The following RSPH14 variants were observed in gnomAD, a reference collection of about 807,000 sequenced individuals.
The protein encoded by RSPH14 is rhabdoid tumor deletion region gene 1.
RSPH14 carries 20 observed loss-of-function variants against 26.7 expected under a neutral mutation model. The observed-to-expected ratio is 0.75, with a 90% CI of 0.53 to 1.09. The LOEUF is 1.09. Among genes scored for constraint, RSPH14 ranks in the 50% least tolerant of loss-of-function variants. The probability of loss-of-function intolerance (pLI) is 0.00; values close to 1 mark genes in which losing one functional copy is unlikely to be tolerated. For synonymous variants in RSPH14, 177 were observed against 189.3 expected (o/e 0.93, Z 0.53); for missense variants, 449 against 457.2 (o/e 0.98, Z 0.16).
chr22:23,133,612 C>T (rs1157474125), intron 4 of RSPH14, among the ~76,000 whole-genome samples: 1 of 151,916 alleles, frequency 6.6e-6, no homozygotes, highest in Non-Finnish European at 1.5e-5. Context: ...TGTCTTAAGA[C>T]AGAGTCTCGC....
chr22:23,141,893 G>A, intron 1 of RSPH14, 56 bp downstream of exon 1: 4 of 769,188 alleles, frequency 5.2e-6, no homozygotes, highest in Non-Finnish European at 6.3e-6. Flanking sequence ...AATGGGACTG[G>A]GTGGGTCACT....
At chr22:23,088,581 C>T (rs2068879586) in intron 4 of RSPH14, among the ~76,000 whole-genome samples, 2 of 152,190 alleles carry the variant, frequency 1.3e-5, no homozygotes, top group South Asian at 4.1e-4. Context: ...ACAGGGGACT[C>T]CAGGACAGGG....
intron 4 of RSPH14, chr22:23,132,752 G>A (rs1204650764): frequency 6.6e-6 from 1 of 152,168 alleles, no homozygotes; most frequent in Non-Finnish European, 1.5e-5. Context: ...TTGCTATGTT[G>A]CTCAGGCTGG....
rs563974488 is a variant in RSPH14 at position 23,082,897 on chromosome 22, TC to T, written c.422-18765del. Among the ~76,000 whole-genome samples, 439 of 152,148 alleles carry T rather than the reference TC, an allele frequency of 2.9e-3. 1 individual carries two copies. Among genetic ancestry groups the T allele is most frequent in the South Asian group, 4.8e-3 (23 of 4,816 alleles). On this transcript the variant is annotated intron_variant, in intron 4 of 6. Coordinates refer to ENST00000216036, the MANE Select transcript of RSPH14 (RefSeq NM_014433.3). The stretch of plus-strand genomic sequence containing the variant: ...GGGGTGTGCAGAGTCCACAGTGTCT[TC>T]CCCCCAAACCTTGCCCCCAGAAACT...
intron 4 of RSPH14, among the ~76,000 whole-genome samples, chr22:23,078,984 A>T (rs1404125499): frequency 6.6e-6 from 1 of 152,138 alleles, no homozygotes; most frequent in East Asian, 1.9e-4. Context: ...GAAGTCCCCA[A>T]CTATCCCCTC....
chr22:23,097,954 C>T (rs1202795261), intron 4 of RSPH14, among the ~76,000 whole-genome samples: 1 of 152,248 alleles, frequency 6.6e-6, no homozygotes, highest in Non-Finnish European at 1.5e-5. Flanking sequence ...AGGCCGTGCC[C>T]ACAGGTGTGC....
upstream of RSPH14, among the ~76,000 whole-genome samples, chr22:23,149,769 C>T (rs547655804): frequency 1.1e-4 from 16 of 152,298 alleles, no homozygotes; most frequent in Admixed American, 3.9e-4. Flanking sequence ...GGGTTGAGAC[C>T]CAGAGCAGAC....
intron 4 of RSPH14, among the ~76,000 whole-genome samples, chr22:23,092,361 T>C (rs1044364236): frequency 1.3e-5 from 2 of 152,122 alleles, no homozygotes; most frequent in African/African-American, 2.4e-5. Flanking sequence ...CCCTGTCCCA[T>C]GCGTGGTGCC....
the RSPH14 span, chr22:23,161,659 G>A: frequency 2.1e-5 from 24 of 1,134,286 alleles, no homozygotes; most frequent in Non-Finnish European, 2.6e-5. Context: ...GCTCTGCAGC[G>A]TGTCGCCCTC....
intron 4 of RSPH14, among the ~76,000 whole-genome samples, chr22:23,067,151 C>T (rs1005546564): frequency 6.6e-6 from 1 of 152,166 alleles, no homozygotes; most frequent in African/African-American, 2.4e-5. Context: ...CCAAAGAGAT[C>T]CAATGGGATT....
At chr22:23,089,450 T>C (rs2068903170) in intron 4 of RSPH14, among the ~76,000 whole-genome samples, 1 of 152,168 alleles carries the variant, frequency 6.6e-6, no homozygotes, top group East Asian at 1.9e-4. Flanking sequence ...GCCCCAGCTC[T>C]ATGCCTAGCA....
chr22:23,177,398 A>C, the RSPH14 span, among the ~76,000 whole-genome samples: 1 of 152,066 alleles, frequency 6.6e-6, no homozygotes, highest in Non-Finnish European at 1.5e-5. Context: ...CTGGTTCCTC[A>C]TTCCACCAGA....
the RSPH14 span, among the ~76,000 whole-genome samples, chr22:23,179,168 G>T: frequency 1.3e-5 from 2 of 152,246 alleles, no homozygotes; most frequent in Admixed American, 6.5e-5. Flanking sequence ...ATCTGCTCCA[G>T]ATGACGCTGG....
intron 4 of RSPH14, among the ~76,000 whole-genome samples, chr22:23,073,155 C>T (rs748791959): frequency 3.9e-5 from 6 of 152,238 alleles, no homozygotes; most frequent in Non-Finnish European, 7.3e-5. Context: ...AAGGCACTCT[C>T]ACTGCTGCTG....
intron 4 of RSPH14, among the ~76,000 whole-genome samples, chr22:23,072,091 G>GAGCAA (rs2068394920): frequency 6.6e-6 from 1 of 152,100 alleles, no homozygotes; most frequent in Non-Finnish European, 1.5e-5. Context: ...TTTAAAGACT[G>GAGCAA]GGGAAGGCTC....
intron 4 of RSPH14, among the ~76,000 whole-genome samples, chr22:23,066,110 T>C (rs779039298): frequency 6.6e-6 from 1 of 152,162 alleles, no homozygotes; most frequent in African/African-American, 2.4e-5. Context: ...TTTGACCTTC[T>C]GTTAATTTTG....
chr22:23,110,649 G>A (rs1340515182), intron 4 of RSPH14, among the ~76,000 whole-genome samples: 1 of 152,258 alleles, frequency 6.6e-6, no homozygotes, highest in Non-Finnish European at 1.5e-5. Flanking sequence ...CCAGCTCAAG[G>A]GTCAGCAGCT....
chr22:23,161,532 A>G, the RSPH14 span: 2 of 1,612,876 alleles, frequency 1.2e-6, no homozygotes, highest in Non-Finnish European at 1.7e-6. Context: ...GACCCAGGAG[A>G]GCAAGAGGCC....
the RSPH14 span, among the ~76,000 whole-genome samples, chr22:23,160,323 C>CAT: frequency 0.015 from 2,349 of 152,292 alleles, 62 homozygotes; most frequent in African/African-American, 0.053. Context: ...CCAAGCAGGA[C>CAT]TGCCCTATGC....
Sources: gnomAD v4.1 joint callset for allele counts (sites outside exome capture counted in the v4.1 genomes callset) on GRCh38, gnomAD v4.1.1 for gene constraint, MANE v1.5 for transcripts, NCBI Gene and HGNC (gene_info 2026-07-23, HGNC 2026-07-21) for gene names.